PHACTR1: variants seen among roughly 807,000 people sequenced by gnomAD.
PHACTR1 encodes RPEL repeat containing 1.
PHACTR1 carries 16 observed loss-of-function variants against 69.2 expected under a neutral mutation model. The ratio of observed to expected loss-of-function variants is 0.23; its 90% confidence interval spans 0.16 to 0.35. The LOEUF (loss-of-function observed/expected upper bound fraction) is 0.35. Ranked by LOEUF, PHACTR1 falls within the 10% of genes least tolerant of loss-of-function variation. The pLI is 1.00. For synonymous variants in PHACTR1, 312 were observed against 284.5 expected (o/e 1.10, Z -0.97); for missense variants, 510 against 734.7 (o/e 0.69, Z 3.54).
intron 10 of PHACTR1, among the ~76,000 whole-genome samples, chr6:13,265,608 T>C (rs1776570511): frequency 6.6e-6 from 1 of 152,228 alleles, no homozygotes; most frequent in Admixed American, 6.5e-5. Flanking sequence ...CTGACTTCAG[T>C]TGTTTGACCG....
At chr6:12,875,411 CT>C (rs1582225660) in intron 4 of PHACTR1, among the ~76,000 whole-genome samples, 1 of 152,190 alleles carries the variant, frequency 6.6e-6, no homozygotes, top group East Asian at 1.9e-4. Flanking sequence ...AAGGCCCATG[CT>C]AGCTCTGAAA....
intron 4 of PHACTR1, among the ~76,000 whole-genome samples, chr6:12,793,710 A>G (rs1772621271): frequency 6.6e-6 from 1 of 152,202 alleles, no homozygotes; most frequent in Non-Finnish European, 1.5e-5. Flanking sequence ...TTTTAACCAT[A>G]ACACTCTGTT....
At chr6:12,804,514 T>C (rs955568788) in intron 4 of PHACTR1, among the ~76,000 whole-genome samples, 1 of 152,234 alleles carries the variant, frequency 6.6e-6, no homozygotes, top group Non-Finnish European at 1.5e-5. Flanking sequence ...AAACATTTTC[T>C]TATAGGGATT....
chr6:13,215,967 A>G (rs1767609389), intron 8 of PHACTR1, among the ~76,000 whole-genome samples: 1 of 145,036 alleles, frequency 6.9e-6, no homozygotes, highest in Non-Finnish European at 1.5e-5. Context: ...CAGAGTAACA[A>G]AGCAATCTTT....
chr6:12,957,637 T>C, intron 4 of PHACTR1: 1 of 985,592 alleles, frequency 1.0e-6, no homozygotes, highest in Non-Finnish European at 1.2e-6. Flanking sequence ...TTGGTGTGCC[T>C]GCCAACTGTT....
intron 10 of PHACTR1, among the ~76,000 whole-genome samples, chr6:13,260,793 A>G (rs983837413): frequency 6.6e-6 from 1 of 152,216 alleles, no homozygotes; most frequent in Non-Finnish European, 1.5e-5. Context: ...ATATGAGACT[A>G]TTAGTCAAAG....
At chr6:12,986,625 G>A (rs767633880) in intron 4 of PHACTR1, among the ~76,000 whole-genome samples, 3 of 152,222 alleles carry the variant, frequency 2.0e-5, no homozygotes, top group Non-Finnish European at 2.9e-5. Flanking sequence ...TTCCAGTCTC[G>A]TTTGGGCGAC....
intron 4 of PHACTR1, among the ~76,000 whole-genome samples, chr6:12,932,307 A>G (rs1788953449): frequency 6.6e-6 from 1 of 152,046 alleles, no homozygotes; most frequent in Non-Finnish European, 1.5e-5. Flanking sequence ...AGGAATTTGG[A>G]AAAAAAATTT....
At chr6:12,829,247 G>A (rs1457627761) in intron 4 of PHACTR1, among the ~76,000 whole-genome samples, 2 of 152,178 alleles carry the variant, frequency 1.3e-5, no homozygotes, top group Admixed American at 6.6e-5. Flanking sequence ...TGGGATTTCT[G>A]TAAAGGAAAA....
At chr6:13,176,794 G>GATATAGATATAAATATATGA (rs1308078587) in intron 6 of PHACTR1, among the ~76,000 whole-genome samples, 1 of 151,998 alleles carries the variant, frequency 6.6e-6, no homozygotes, top group Admixed American at 6.6e-5. Context: ...TAGATATAAA[G>GATATAGATATAAATATATGA]CAATTCTTCA....
At position 12,908,155 on chromosome 6, in the gene PHACTR1, T is replaced by A. The variant is rs543356158; in HGVS notation, c.251-145210T>A. On this transcript the variant is annotated intron_variant, in intron 4 of 14. Transcript: ENST00000332995. ...TCTATCTCACTATGCCTTCCATCCATCAACCAAGAATCGCACCTGGGCCTG... is the reference window on the plus strand; with the variant it reads ...TCTATCTCACTATGCCTTCCATCCAACAACCAAGAATCGCACCTGGGCCTG... Among the ~76,000 whole-genome samples the A allele has an allele frequency of 9.2e-5, 14 of 152,312 alleles. No individual in the cohort carries two copies. In the East Asian group the frequency reaches 2.7e-3, roughly 29 times the overall value.
intron 6 of PHACTR1, among the ~76,000 whole-genome samples, chr6:13,175,564 C>T (rs1400418245): frequency 6.6e-6 from 1 of 152,194 alleles, no homozygotes; most frequent in Non-Finnish European, 1.5e-5. Flanking sequence ...ACCAGCACAC[C>T]TCTGTTAACT....
chr6:13,233,534 G>T (rs936844686), intron 10 of PHACTR1, among the ~76,000 whole-genome samples: 1 of 152,168 alleles, frequency 6.6e-6, no homozygotes, highest in East Asian at 1.9e-4. Context: ...ATGGCAGAAG[G>T]CACCTCTTCA....
intron 7 of PHACTR1, among the ~76,000 whole-genome samples, chr6:13,185,210 C>T (rs1762685265): frequency 6.6e-6 from 1 of 152,158 alleles, no homozygotes; most frequent in African/African-American, 2.4e-5. Flanking sequence ...TGATATCCAC[C>T]TACCAGCCAT....
At chr6:13,116,323 A>G (rs1817816764) in intron 5 of PHACTR1, among the ~76,000 whole-genome samples, 2 of 152,258 alleles carry the variant, frequency 1.3e-5, no homozygotes, top group Non-Finnish European at 2.9e-5. Flanking sequence ...AGACAGGCTA[A>G]AAGTGAGAAG....
At chr6:13,164,484 T>C (rs1759499420) in intron 6 of PHACTR1, among the ~76,000 whole-genome samples, 1 of 152,196 alleles carries the variant, frequency 6.6e-6, no homozygotes, top group African/African-American at 2.4e-5. Flanking sequence ...AGCTGCCGCA[T>C]TGATTTGTAA....
intron 4 of PHACTR1, among the ~76,000 whole-genome samples, chr6:12,989,066 AT>A (rs1158129907): frequency 6.6e-6 from 1 of 152,202 alleles, no homozygotes; most frequent in African/African-American, 2.4e-5. Flanking sequence ...CTCAAGATGA[AT>A]ATTTACCCTG....
chr6:13,287,383 C>CCTG lies in PHACTR1; in HGVS notation c.*305_*306insCTG. ...TCTGGCAGGTGGAACGGTCCTTGTC[C>CCTG]TCTCCAGCCAGGCCCAGCAGGCACT... On this transcript the variant is annotated 3_prime_UTR_variant, in exon 15 of 15. Coordinates refer to ENST00000332995, the MANE Select transcript of PHACTR1 (RefSeq NM_030948.6). The CCTG allele has an allele frequency of 2.3e-6, 1 of 429,614 alleles. No individual in the cohort carries two copies. The highest frequency in any genetic ancestry group is 4.2e-6 in the Non-Finnish European group (1 of 239,546). 26.6% of individuals were successfully genotyped at this position (429,614 alleles called of 1,614,324 possible).
At chr6:12,808,626 A>C (rs965712164) in intron 4 of PHACTR1, among the ~76,000 whole-genome samples, 4 of 152,258 alleles carry the variant, frequency 2.6e-5, no homozygotes, top group Non-Finnish European at 5.9e-5. Flanking sequence ...TTAAAAAATC[A>C]GGTTATAAAA....
Sources: gnomAD v4.1 joint callset for allele counts (sites outside exome capture counted in the v4.1 genomes callset) on GRCh38, gnomAD v4.1.1 for gene constraint, MANE v1.5 for transcripts, NCBI Gene and HGNC (gene_info 2026-07-23, HGNC 2026-07-21) for gene names.